The following XPR1 variants were observed in gnomAD, a reference collection of about 807,000 sequenced individuals.
XPR1 encodes xenotropic and polytropic retrovirus receptor 1, also known as solute carrier family 53 member 1.
XPR1 carries 28 observed loss-of-function variants against 87.5 expected under a neutral mutation model. The observed-to-expected ratio is 0.32, with a 90% CI of 0.24 to 0.44. The LOEUF (loss-of-function observed/expected upper bound fraction) is 0.44, where lower values mean the gene tolerates loss of function less well. Among genes scored for constraint, XPR1 ranks in the 20% least tolerant of loss-of-function variants. The pLI is 1.00. For synonymous variants in XPR1, 300 were observed against 306.1 expected, an observed-to-expected ratio of 0.98 and a Z score of 0.21; for missense variants, 559 against 862.3, an observed-to-expected ratio of 0.65 and a Z score of 4.41.
intron 2 of XPR1, among the ~76,000 whole-genome samples, chr1:180,686,193 T>C (rs1656769343): frequency 6.6e-6 from 1 of 152,210 alleles, no homozygotes; most frequent in African/African-American, 2.4e-5. Flanking sequence ...TGTGTCTTTG[T>C]TCTCGCTGGT....
rs938524110 is a variant in XPR1, at chr1:180,711,513, CTG to C, written c.121+29103_121+29104del. On this transcript the variant is annotated intron_variant, in intron 2 of 14. Transcript: ENST00000367590. ...CCTGCAATTGCAGGCACTCGGCAGG[CTG>C]AGGCAGGAGAATGAGGCAGGGAGGT... Among the ~76,000 whole-genome samples, 40 of 151,996 alleles carry C rather than the reference CTG, an allele frequency of 2.6e-4. No individual in the cohort carries two copies. The South Asian group carries it at 7.9e-3, about 30-fold the overall frequency.
chr1:180,656,351 A>ATG (rs1450125586), intron 1 of XPR1, among the ~76,000 whole-genome samples: 1 of 100,446 alleles, frequency 1.0e-5, no homozygotes, highest in Non-Finnish European at 1.7e-5. Flanking sequence ...TATATATTTA[A>ATG]TATTTATATA....
intron 6 of XPR1, among the ~76,000 whole-genome samples, chr1:180,808,972 A>G (rs1358849501): frequency 2.6e-5 from 4 of 152,204 alleles, no homozygotes; most frequent in African/African-American, 9.6e-5. Context: ...TCATATAAAG[A>G]TTTCTACACA....
At chr1:180,657,036 T>A (rs1655556707) in intron 1 of XPR1, among the ~76,000 whole-genome samples, 1 of 152,064 alleles carries the variant, frequency 6.6e-6, no homozygotes, top group Admixed American at 6.6e-5. Context: ...TCATTTTAAA[T>A]GGGGTGAGAT....
intron 2 of XPR1, among the ~76,000 whole-genome samples, chr1:180,696,953 G>A (rs1657195137): frequency 1.3e-5 from 2 of 151,924 alleles, no homozygotes; most frequent in African/African-American, 2.4e-5. Context: ...TTTTTTTGTT[G>A]TGTCTTTGTC....
intron 2 of XPR1, among the ~76,000 whole-genome samples, chr1:180,716,188 G>T (rs1250316293): frequency 1.3e-5 from 2 of 152,090 alleles, no homozygotes; most frequent in Admixed American, 6.5e-5. Context: ...CCAGGCTGGA[G>T]TTCAGTGGCG....
intron 1 of XPR1, among the ~76,000 whole-genome samples, chr1:180,667,575 G>C (rs77440077): frequency 6.6e-6 from 1 of 152,086 alleles, no homozygotes; most frequent in Non-Finnish European, 1.5e-5. Context: ...TTCTTGTAGC[G>C]TATTTGTCTG....
In XPR1 at chr1:180,806,477, G is replaced by A; in HGVS notation, c.601G>A (p.Val201Ile). The change falls in exon 6 of 15, where the codon GTA (valine) becomes ATA (isoleucine). Residue 201 changes from valine (V) to isoleucine (I), a missense_variant. Around this residue, in one of 7 missense-constraint regions of XPR1, gnomAD observed 159 missense variants for 263.3 expected, o/e 0.60. Coordinates refer to ENST00000367590, the MANE Select transcript of XPR1 (RefSeq NM_004736.4). ...ATGTAATAATTTGTCTTTCTAGGCT[G>A]TAGTGACCAATGAACTTGAAGATGG... Reference protein sequence around the residue: ...INQLISETEAVVTNELEDGDR... With the variant: ...INQLISETEAIVTNELEDGDR... 2 of 1,613,284 alleles carry A rather than the reference G, an allele frequency of 1.2e-6. No individual in the cohort carries two copies. The highest frequency in any genetic ancestry group is 1.7e-6 in the Non-Finnish European group (2 of 1,179,458).
intron 2 of XPR1, among the ~76,000 whole-genome samples, chr1:180,761,031 A>G (rs1648002312): frequency 6.6e-6 from 1 of 151,920 alleles, no homozygotes; most frequent in South Asian, 2.1e-4. Context: ...TTCCCTATTT[A>G]ATAAATGGTG....
At position 180,779,945 on chromosome 1, in the gene XPR1, G is replaced by A. The variant is rs1040560160; in HGVS notation, c.122-7808G>A. 3.3e-5 allele frequency among the ~76,000 whole-genome samples: 5 copies of A among 152,108 alleles called. No homozygotes were observed. In the South Asian group the frequency reaches 8.3e-4, roughly 25 times the overall value. On this transcript the variant is annotated intron_variant, in intron 2 of 14. Coordinates refer to ENST00000367590, the MANE Select transcript of XPR1 (RefSeq NM_004736.4). ...TACAACATGTGATCTTAACTATCTG[G>A]CTTCTCTCTTAGCATAATATTTTCA...
chr1:180,762,605 A>G (rs1260195963), intron 2 of XPR1, among the ~76,000 whole-genome samples: 2 of 152,188 alleles, frequency 1.3e-5, no homozygotes, highest in Non-Finnish European at 2.9e-5. Flanking sequence ...AACTTTTTAA[A>G]GATTTGTGGT....
chr1:180,773,020 G>A (rs1259834362), intron 2 of XPR1, among the ~76,000 whole-genome samples: 1 of 152,134 alleles, frequency 6.6e-6, no homozygotes, highest in Non-Finnish European at 1.5e-5. Flanking sequence ...CAGTTCCCCA[G>A]TACCCTTTCT....
intron 2 of XPR1, among the ~76,000 whole-genome samples, chr1:180,716,254 GT>G (rs1015863639): frequency 1.3e-5 from 2 of 148,924 alleles, no homozygotes; most frequent in Non-Finnish European, 3.0e-5. Context: ...TGCCTGGCTA[GT>G]TTTTTTTTTC....
rs146642266 is a variant in XPR1 at position 180,678,185 on chromosome 1, C to T, written c.70-4175C>T. 1.0e-3 allele frequency among the ~76,000 whole-genome samples: 152 copies of T among 152,300 alleles called. 1 individual carries two copies. Among genetic ancestry groups the T allele is most frequent in the Middle Eastern group, 3.4e-3 (1 of 294 alleles). On this transcript the variant is annotated intron_variant, in intron 1 of 14. Transcript: ENST00000367590. ...TTCACCAACTTGGAAGCTCTCTGAA[C>T]CTTGATGTTTAAGGGTTTTTATGGT...
At chr1:180,746,272 C>T (rs1202345488) in intron 2 of XPR1, among the ~76,000 whole-genome samples, 2 of 152,080 alleles carry the variant, frequency 1.3e-5, no homozygotes, top group East Asian at 3.9e-4. Context: ...TCACCTCCCC[C>T]ACCTTCCTCT....
At chr1:180,714,786 GT>G (rs112203235) in intron 2 of XPR1, among the ~76,000 whole-genome samples, 10 of 148,614 alleles carry the variant, frequency 6.7e-5, no homozygotes, top group East Asian at 5.9e-4. Flanking sequence ...TCTTTTTCTA[GT>G]TTTTTTTTTA....
chr1:180,769,695 G>A (rs972958805), intron 2 of XPR1, among the ~76,000 whole-genome samples: 1 of 152,126 alleles, frequency 6.6e-6, no homozygotes, highest in Non-Finnish European at 1.5e-5. Context: ...TGGACATTTA[G>A]GTTGTTTCCA....
chr1:180,641,674 C>A (rs193283444), intron 1 of XPR1, among the ~76,000 whole-genome samples: 56 of 152,076 alleles, frequency 3.7e-4, no homozygotes, highest in African/African-American at 1.3e-3. Flanking sequence ...GATTTTAGTT[C>A]TTTTCAATTT....
chr1:180,765,743 T>C (rs894558049), intron 2 of XPR1, among the ~76,000 whole-genome samples: 1 of 152,194 alleles, frequency 6.6e-6, no homozygotes. Flanking sequence ...TTCTTTTTTT[T>C]CCAAATATTT....
Sources: allele counts gnomAD v4.1 joint callset (sites outside exome capture counted in the v4.1 genomes callset), GRCh38; gene constraint gnomAD v4.1.1; regional missense constraint gnomAD v4.1.1; transcripts MANE v1.5; gene names NCBI Gene and HGNC (gene_info 2026-07-23, HGNC 2026-07-21).